DECR1: variants seen among roughly 807,000 people sequenced by gnomAD.
DECR1 encodes the protein 2,4-dienoyl-CoA reductase [(3E)-enoyl-CoA-producing], mitochondrial.
Under a neutral mutation model 38.8 loss-of-function variants are expected in DECR1, and 44 were observed. The observed-to-expected ratio is 1.13, with a 90% CI of 0.89 to 1.46. The LOEUF is 1.46. DECR1 is among the 40% of genes most tolerant of loss of function. The probability of loss-of-function intolerance (pLI) is 0.00; values close to 1 mark genes in which losing one functional copy is unlikely to be tolerated. For missense variants in DECR1, 428 were observed against 405.5 expected (o/e 1.06, Z -0.48); for synonymous variants, 148 against 135.2 (o/e 1.09, Z -0.66).
Position 90,044,917 on chromosome 8 carries a change from T to G in DECR1, c.807T>G (p.Gly269=). Residue 269 remains glycine, a synonymous_variant, in exon 8 of 10, where the codon GGT becomes GGG. Transcript: ENST00000220764. ...EKEMIGRIPC[G]RLGTVEELAN... ...AAATGATTGGCAGAATTCCCTGTGG[T>G]CGCCTGGGGACTGTAGAAGAACTCG... 2 of 1,613,628 alleles carry G rather than the reference T, an allele frequency of 1.2e-6. No homozygotes were observed. Among genetic ancestry groups the G allele is most frequent in the Non-Finnish European group, 1.7e-6 (2 of 1,179,694 alleles).
At chr8:90,031,101 G>C (rs1428729559) in intron 5 of DECR1, among the ~76,000 whole-genome samples, 1 of 152,152 alleles carries the variant, frequency 6.6e-6, no homozygotes, top group Non-Finnish European at 1.5e-5. Context: ...AGGCTCTAGA[G>C]CTTAACTGCC....
Position 90,052,213 on chromosome 8 carries a change from A to G in DECR1, c.*316A>G, listed in dbSNP as rs1406170373. 1.8e-5 allele frequency: 5 copies of G among 274,050 alleles called. No individual in the cohort carries two copies. Among genetic ancestry groups the G allele is most frequent in the Non-Finnish European group, 2.7e-5 (4 of 146,168 alleles). The allele number at this position is 274,050 out of a possible 1,614,324, so 17.0% of individuals were successfully genotyped here. A position where few individuals can be genotyped will look rare whatever the true frequency, so the allele number is the denominator to read the frequency against. ...TCTTTGTGACTTGGAAAATCAGGAG[A>G]AACTCAATGGTGGCGGTAGCATTTG... On this transcript the variant is annotated 3_prime_UTR_variant, in exon 10 of 10. Transcript: ENST00000220764.
rs748006825 is a variant in DECR1, at chr8:90,051,824, C to A, written c.949-14C>A. The A allele has an allele frequency of 1.9e-6, 3 of 1,613,342 alleles. No homozygotes were observed. Among genetic ancestry groups the A allele is most frequent in the Non-Finnish European group, 2.5e-6 (3 of 1,179,662 alleles). On this transcript the variant is annotated splice_polypyrimidine_tract_variant and intron_variant, in intron 9 of 9. Coordinates refer to ENST00000220764, the MANE Select transcript of DECR1 (RefSeq NM_001359.2). Reference sequence around the variant, plus strand: ...TGTAAAAAGGACATTAAATTGACATCTTTTTTGTGTTAGGTCACCAAGGAG... The same window carrying A: ...TGTAAAAAGGACATTAAATTGACATATTTTTTGTGTTAGGTCACCAAGGAG...
chr8:90,031,838 G>A (rs748116491), intron 5 of DECR1, among the ~76,000 whole-genome samples: 51 of 152,030 alleles, frequency 3.4e-4, no homozygotes, highest in Admixed American at 1.9e-3. Flanking sequence ...TGCCTGGAGG[G>A]GTAGGAGATG....
At position 90,036,897 on chromosome 8, in the gene DECR1, G is replaced by T. The variant is rs1813630242; in HGVS notation, c.622G>T (p.Val208Leu). 5.6e-6 allele frequency: 9 copies of T among 1,613,360 alleles called. No homozygotes were observed. The highest frequency in any genetic ancestry group is 7.6e-6 in the Non-Finnish European group (9 of 1,179,694). ...IYAETGSGFV[V>L]PSASAKAGVE... Reference sequence around the variant, plus strand: ...TGCTGAGACTGGTTCAGGTTTTGTAGTACCAAGTGCTTCTGCCAAAGCAGG... The same window carrying T: ...TGCTGAGACTGGTTCAGGTTTTGTATTACCAAGTGCTTCTGCCAAAGCAGG... The change falls in exon 6 of 10, where the codon GTA becomes TTA. Residue 208 changes from valine to leucine, a missense_variant. Physicochemically the swap from Val to Leu is conservative, Grantham distance 32. Transcript: ENST00000220764.
At chr8:90,033,323 A>G (rs1448795416) in intron 5 of DECR1, among the ~76,000 whole-genome samples, 2 of 152,188 alleles carry the variant, frequency 1.3e-5, no homozygotes, top group African/African-American at 4.8e-5. Flanking sequence ...ATGGACTAAC[A>G]TAATATTTAT....
chr8:90,006,311 G>T, intron 1 of DECR1: 1 of 704,080 alleles, frequency 1.4e-6, no homozygotes, highest in Non-Finnish European at 2.6e-6. Context: ...TTGTTGTTTG[G>T]TATATATCAA....
At chr8:90,041,368 T>G (rs1813759408) in intron 6 of DECR1, among the ~76,000 whole-genome samples, 1 of 152,168 alleles carries the variant, frequency 6.6e-6, no homozygotes, top group African/African-American at 2.4e-5. Context: ...CTTTGTAGAT[T>G]CTGGATATTA....
At chr8:90,031,420 A>G (rs932540618) in intron 5 of DECR1, among the ~76,000 whole-genome samples, 1 of 152,194 alleles carries the variant, frequency 6.6e-6, no homozygotes, top group African/African-American at 2.4e-5. Flanking sequence ...AATTAGTTAG[A>G]AAAACCAGAG....
chr8:90,028,057 T>G (rs2130094395), intron 5 of DECR1, among the ~76,000 whole-genome samples: 1 of 152,232 alleles, frequency 6.6e-6, no homozygotes, highest in South Asian at 2.1e-4. Context: ...CTTGCTTAGT[T>G]TAGTGATTAG....
intron 1 of DECR1, among the ~76,000 whole-genome samples, chr8:90,002,026 G>C (rs1240113543): frequency 1.3e-5 from 2 of 152,302 alleles, no homozygotes; most frequent in South Asian, 4.1e-4. Context: ...AGTGAGCACC[G>C]GGGCCCGGGT....
chr8:90,018,289 A>G (rs557922449), intron 2 of DECR1, among the ~76,000 whole-genome samples: 1 of 152,204 alleles, frequency 6.6e-6, no homozygotes, highest in Non-Finnish European at 1.5e-5. Flanking sequence ...TCTTCTTATT[A>G]GGCATATTCT....
intron 5 of DECR1, among the ~76,000 whole-genome samples, chr8:90,032,318 A>G (rs1044957069): frequency 5.3e-5 from 8 of 152,120 alleles, no homozygotes; most frequent in Non-Finnish European, 1.0e-4. Flanking sequence ...AGAGCCAGCA[A>G]TACCACAATA....
intron 8 of DECR1, 76 bp from the exon 9 acceptor site, chr8:90,051,601 T>C: frequency 8.8e-7 from 1 of 1,131,902 alleles, no homozygotes; most frequent in Non-Finnish European, 1.3e-6. Context: ...ATCCAATTAG[T>C]ATGGGAAAAT....
chr8:90,045,692 C>T (rs182072485), intron 8 of DECR1, among the ~76,000 whole-genome samples: 386 of 152,292 alleles, frequency 2.5e-3, no homozygotes, highest in Non-Finnish European at 4.5e-3. Flanking sequence ...TAGTGGTTCT[C>T]CCAGCATGGA....
At chr8:90,045,133 A>G in intron 8 of DECR1, 138 bp downstream of exon 8, 1 of 652,160 alleles carries the variant, frequency 1.5e-6, no homozygotes, top group Non-Finnish European at 2.4e-6. Flanking sequence ...AATATAAAAT[A>G]TTATATATAT....
intron 1 of DECR1, chr8:90,016,769 C>T (rs1489223777): frequency 1.2e-5 from 3 of 256,594 alleles, no homozygotes; most frequent in East Asian, 1.1e-4. Context: ...CTACACACTG[C>T]TCTAGGTGCT....
chr8:90,014,099 T>C (rs952307980), intron 1 of DECR1, among the ~76,000 whole-genome samples: 1 of 152,216 alleles, frequency 6.6e-6, no homozygotes, highest in African/African-American at 2.4e-5. Context: ...TTAAGAATTT[T>C]AGGTCACTAA....
intron 2 of DECR1, 122 bp from the exon 3 acceptor site, chr8:90,018,787 G>A (rs1813072965): frequency 2.6e-6 from 2 of 766,778 alleles, no homozygotes; most frequent in Non-Finnish European, 4.4e-6. Context: ...ATTGATTTTT[G>A]TATATAAATA....
Sources: gnomAD v4.1 joint callset for allele counts (sites outside exome capture counted in the v4.1 genomes callset) on GRCh38, gnomAD v4.1.1 for gene constraint, MANE v1.5 for transcripts, NCBI Gene and HGNC (gene_info 2026-07-23, HGNC 2026-07-21) for gene names.